The following CYP19A1 variants were observed in gnomAD, a reference collection of about 807,000 sequenced individuals.
CYP19A1 encodes aromatase.
Under a neutral mutation model 44.4 loss-of-function variants are expected in CYP19A1, and 32 were observed. The observed-to-expected ratio is 0.72, with a 90% CI of 0.54 to 0.97. The LOEUF is 0.97. CYP19A1 is among the 50% of genes least tolerant of loss of function. The pLI, the probability that CYP19A1 is intolerant of heterozygous loss-of-function variation, is 0.00. For missense variants in CYP19A1, 598 were observed against 637.8 expected (o/e 0.94, Z 0.67); for synonymous variants, 212 against 215.6 (o/e 0.98, Z 0.14).
chr15:51,247,858 A>G lies in CYP19A1; in HGVS notation c.-38-4908T>C, dbSNP rs567824268. 8.5e-4 allele frequency among the ~76,000 whole-genome samples: 129 copies of G among 152,276 alleles called. No individual in the cohort carries two copies. The Middle Eastern group carries it at 0.01, about 12-fold the overall frequency. ...CATATCCAGTCACAAAGTTCTAGGC[A>G]TAGTCCCTAATAATGTCGTGTCCCT... On this transcript the variant is annotated intron_variant, in intron 1 of 9. Coordinates refer to ENST00000396402, the MANE Select transcript of CYP19A1 (RefSeq NM_000103.4).
intron 1 of CYP19A1, among the ~76,000 whole-genome samples, chr15:51,304,731 T>G (rs2036179236): frequency 6.6e-6 from 1 of 152,196 alleles, no homozygotes; most frequent in African/African-American, 2.4e-5. Context: ...TGACCATGTC[T>G]CTTTGTCTCT....
chr15:51,218,542 C>T lies in CYP19A1; in HGVS notation c.742G>A (p.Val248Ile). ...ATCTTCCAAAGTTGTATTACTTACACAGACTTCTCATACTTTTTGTATAGC... is the reference window on the plus strand; with the variant it reads ...ATCTTCCAAAGTTGTATTACTTACATAGACTTCTCATACTTTTTGTATAGC... The part of the protein sequence containing the change: ...SWLYKKYEKS[V>I]KDLKDAIEVL... Residue 248 changes from valine to isoleucine, a missense_variant and splice_region_variant, in exon 6 of 10, where the codon GTC becomes ATC. Coordinates refer to ENST00000396402, the MANE Select transcript of CYP19A1 (RefSeq NM_000103.4). 1 of 1,612,286 alleles carries T rather than the reference C, an allele frequency of 6.2e-7. No individual in the cohort carries two copies. Among genetic ancestry groups the T allele is most frequent in the Non-Finnish European group, 8.5e-7 (1 of 1,179,108 alleles).
intron 1 of CYP19A1, among the ~76,000 whole-genome samples, chr15:51,285,590 G>A (rs190040280): frequency 6.6e-5 from 10 of 152,150 alleles, no homozygotes; most frequent in South Asian, 4.1e-4. Context: ...CTCTGGAATG[G>A]GTCTAGACTT....
intron 2 of CYP19A1, among the ~76,000 whole-genome samples, chr15:51,240,059 C>T (rs1472520158): frequency 4.2e-4 from 12 of 28,864 alleles, no homozygotes; most frequent in African/African-American, 1.6e-3. Flanking sequence ...CCCCGCCCCC[C>T]TCCCCCGGCC....
At chr15:51,285,553 G>A (rs1230966496) in intron 1 of CYP19A1, among the ~76,000 whole-genome samples, 1 of 152,194 alleles carries the variant, frequency 6.6e-6, no homozygotes, top group Non-Finnish European at 1.5e-5. Context: ...TAATGTCCAG[G>A]GCTCGGCGCA....
intron 2 of CYP19A1, among the ~76,000 whole-genome samples, chr15:51,241,252 G>C (rs1199444752): frequency 6.6e-6 from 1 of 152,208 alleles, no homozygotes; most frequent in African/African-American, 2.4e-5. Flanking sequence ...AATTCCACCA[G>C]TGCTGATTAA....
intron 1 of CYP19A1, among the ~76,000 whole-genome samples, chr15:51,262,384 C>G (rs1274861444): frequency 6.6e-6 from 1 of 152,168 alleles, no homozygotes; most frequent in Admixed American, 6.5e-5. Flanking sequence ...GTGTGTGTGT[C>G]TTTAATTCCT....
At chr15:51,247,098 T>G (rs1178331512) in intron 1 of CYP19A1, among the ~76,000 whole-genome samples, 1 of 152,196 alleles carries the variant, frequency 6.6e-6, no homozygotes, top group South Asian at 2.1e-4. Flanking sequence ...CCTTCTTGTA[T>G]CTGTTCTCCA....
intron 1 of CYP19A1, among the ~76,000 whole-genome samples, chr15:51,247,191 G>C (rs969105312): frequency 6.6e-6 from 1 of 152,074 alleles, no homozygotes; most frequent in African/African-American, 2.4e-5. Context: ...ATGCCCATGA[G>C]AGATCATGAG....
chr15:51,220,293 C>A (rs1466960683), intron 5 of CYP19A1, among the ~76,000 whole-genome samples: 1 of 152,224 alleles, frequency 6.6e-6, no homozygotes, highest in African/African-American at 2.4e-5. Context: ...TGTCCTCTTG[C>A]CCTGCTTCAT....
rs1372426568 is a variant in CYP19A1, at chr15:51,334,552, T to C, written c.-39+3943A>G. ...GCAGTTTCAAATTCATGAGCCATTCTCATGATTGCACAGAATCCACTCTTA... is the reference window on the plus strand; with the variant it reads ...GCAGTTTCAAATTCATGAGCCATTCCCATGATTGCACAGAATCCACTCTTA... On this transcript the variant is annotated intron_variant, in intron 1 of 9. Transcript: ENST00000396402. 3.9e-5 allele frequency among the ~76,000 whole-genome samples: 6 copies of C among 152,266 alleles called. No homozygotes were observed. The South Asian group carries it at 8.3e-4, about 21-fold the overall frequency.
chr15:51,235,411 CTTG>C (rs1363381232), intron 3 of CYP19A1, among the ~76,000 whole-genome samples: 2 of 152,136 alleles, frequency 1.3e-5, no homozygotes, highest in African/African-American at 4.8e-5. Context: ...GTTGATGCTG[CTTG>C]TTGAAGGACC....
chr15:51,231,453 A>G (rs2033026203), intron 3 of CYP19A1, among the ~76,000 whole-genome samples: 1 of 152,050 alleles, frequency 6.6e-6, no homozygotes, highest in Non-Finnish European at 1.5e-5. Context: ...ATTACTGTCA[A>G]TCATTAAAAT....
At chr15:51,329,529 G>A (rs1002223484) in intron 1 of CYP19A1, among the ~76,000 whole-genome samples, 12 of 152,282 alleles carry the variant, frequency 7.9e-5, no homozygotes, top group African/African-American at 2.9e-4. Context: ...GGCCACTGAT[G>A]GAGGGAAATT....
chr15:51,284,744 C>A (rs2035640998), intron 1 of CYP19A1, among the ~76,000 whole-genome samples: 1 of 152,116 alleles, frequency 6.6e-6, no homozygotes, highest in South Asian at 2.1e-4. Context: ...AATAAAAAGG[C>A]TGGACAAGAT....
intron 1 of CYP19A1, chr15:51,255,466 T>TA (rs1301435715): frequency 6.6e-6 from 1 of 152,238 alleles, no homozygotes; most frequent in Non-Finnish European, 1.5e-5. Context: ...AAGGAATCTT[T>TA]ACTCAACAGA....
intron 4 of CYP19A1, among the ~76,000 whole-genome samples, chr15:51,226,313 C>T (rs1371095042): frequency 2.0e-5 from 3 of 152,146 alleles, no homozygotes; most frequent in African/African-American, 4.8e-5. Context: ...CCTAGAGCCC[C>T]CAGAAAGGCA....
At chr15:51,291,332 T>G (rs2035841598) in intron 1 of CYP19A1, among the ~76,000 whole-genome samples, 1 of 151,962 alleles carries the variant, frequency 6.6e-6, no homozygotes, top group Non-Finnish European at 1.5e-5. Flanking sequence ...GAAATGGGCT[T>G]GCGGAGGTGT....
intron 1 of CYP19A1, among the ~76,000 whole-genome samples, chr15:51,292,974 T>G (rs1411723122): frequency 6.6e-6 from 1 of 151,902 alleles, no homozygotes; most frequent in African/African-American, 2.4e-5. Flanking sequence ...CCATGGTGTC[T>G]TGGGTAGAAA....
Sources: gnomAD v4.1 joint callset for allele counts (sites outside exome capture counted in the v4.1 genomes callset) on GRCh38, gnomAD v4.1.1 for gene constraint, MANE v1.5 for transcripts, NCBI Gene and HGNC (gene_info 2026-07-23, HGNC 2026-07-21) for gene names.